MYLK2: variants seen among roughly 807,000 people sequenced by gnomAD.
MYLK2 encodes the protein myosin light chain kinase 2.
In MYLK2, 27 loss-of-function variants were observed where a neutral mutation model predicts 58.2. The observed-to-expected ratio is 0.46, with a 90% confidence interval of 0.34 to 0.64. MYLK2 has a LOEUF of 0.64. Among genes scored for constraint, MYLK2 ranks in the 30% least tolerant of loss-of-function variants. The pLI is 0.01. For missense variants in MYLK2, 676 were observed against 764.3 expected (o/e 0.88, Z 1.36); for synonymous variants, 310 against 296.7 (o/e 1.04, Z -0.46).
At chr20:31,824,605 C>G (rs1202846521) in intron 6 of MYLK2, 2 of 970,962 alleles carry the variant, frequency 2.1e-6, no homozygotes, top group Non-Finnish European at 2.4e-6. Flanking sequence ...GATATTCATG[C>G]CCTCTGGTTC....
chr20:31,823,714 T>C (rs1182856442), intron 5 of MYLK2, 132 bp downstream of exon 5: 2 of 960,892 alleles, frequency 2.1e-6, no homozygotes, highest in African/African-American at 1.6e-5. Flanking sequence ...TGTTCACCTC[T>C]GTGTGGGACA....
chr20:31,821,768 G>A, intron 4 of MYLK2, 31 bp downstream of exon 4: 1 of 1,552,956 alleles, frequency 6.4e-7, no homozygotes. Flanking sequence ...GGCTGGGGCT[G>A]CCCTGGGGCC....
At position 31,820,143 on chromosome 20, in the gene MYLK2, C is replaced by T. The variant is rs1353758643; in HGVS notation, c.70C>T (p.Pro24Ser). The change falls in exon 3 of 13, where the codon CCC (proline) becomes TCC (serine). Residue 24 changes from proline (P) to serine (S), a missense_variant. Pro to Ser is a moderately conservative substitution (Grantham distance 74). Coordinates refer to ENST00000375985, the MANE Select transcript of MYLK2 (RefSeq NM_033118.4). ...NPSTDKAPKG[P>S]TGERPLAAGK... Reference sequence around the variant, plus strand: ...CTCTGCAGACAAGGCACCTAAAGGTCCCACAGGTGAAAGACCCCTGGCTGC... The same window carrying T: ...CTCTGCAGACAAGGCACCTAAAGGTTCCACAGGTGAAAGACCCCTGGCTGC... 1 of 1,613,880 alleles carries T rather than the reference C, an allele frequency of 6.2e-7. No individual in the cohort carries two copies. The highest frequency in any genetic ancestry group is 1.3e-5 in the African/African-American group (1 of 75,048).
At position 31,820,323 on chromosome 20, in the gene MYLK2, G is replaced by C; in HGVS notation, c.250G>C (p.Gly84Arg). 3 of 1,613,030 alleles carry C rather than the reference G, an allele frequency of 1.9e-6. No individual in the cohort carries two copies. Among genetic ancestry groups the C allele is most frequent in the Non-Finnish European group, 2.5e-6 (3 of 1,179,858 alleles). Residue 84 changes from glycine (G) to arginine (R), a missense_variant, in exon 3 of 13, where the codon GGG becomes CGG. Gly to Arg is a moderately radical substitution (Grantham distance 125, BLOSUM62 -2). Coordinates refer to ENST00000375985, the MANE Select transcript of MYLK2 (RefSeq NM_033118.4). ...QGPKGEGDRG[G>R]GPAEGSAGPP... Reference sequence around the variant, plus strand: ...CCCCAAAGGAGAGGGTGACAGGGGCGGGGGGCCCGCGGAGGGCAGTGCTGG... The same window carrying C: ...CCCCAAAGGAGAGGGTGACAGGGGCCGGGGGCCCGCGGAGGGCAGTGCTGG...
Position 31,831,027 on chromosome 20 carries a change from A to G in MYLK2, c.1310A>G (p.Glu437Gly). ...CTCACCCCCAGGTATAACCCCAACG[A>G]GAAGCTGAAGGTGAACTTTGGGACC... Reference protein sequence around the residue: ...FGLARRYNPNEKLKVNFGTPE... With the variant: ...FGLARRYNPNGKLKVNFGTPE... The change falls in exon 10 of 13, where the codon GAG becomes GGG. Residue 437 changes from glutamate to glycine, a missense_variant. By Grantham distance (98) the Glu-to-Gly change is moderately conservative. Around this residue, in one of 2 missense-constraint regions of MYLK2, gnomAD observed 370 missense variants for 467.8 expected, o/e 0.79. Transcript: ENST00000375985. 1 of 1,614,156 alleles carries G rather than the reference A, an allele frequency of 6.2e-7. No homozygotes were observed. The highest frequency in any genetic ancestry group is 1.1e-5 in the South Asian group (1 of 91,084).
rs571143295 is a variant in MYLK2, at chr20:31,822,715, G to A, written c.773-762G>A. On this transcript the variant is annotated intron_variant, in intron 4 of 12. Transcript: ENST00000375985. ...GCCAGCCTGCCTGGTGAGCGGCACC[G>A]TGCCACCCAGACAGGGTGGGAGGAC... 3.3e-5 allele frequency among the ~76,000 whole-genome samples: 5 copies of A among 152,146 alleles called. No homozygotes were observed. In the East Asian group the frequency reaches 7.7e-4, roughly 24 times the overall value.
chr20:31,828,445 T>C (rs984434689), intron 8 of MYLK2: 2 of 985,284 alleles, frequency 2.0e-6, no homozygotes, highest in African/African-American at 3.5e-5. Context: ...CTTTCCTTAA[T>C]TCATTCGATA....
Position 31,834,102 on chromosome 20 carries a change from C to G in MYLK2, c.*305C>G. On this transcript the variant is annotated 3_prime_UTR_variant, in exon 13 of 13. Coordinates refer to ENST00000375985, the MANE Select transcript of MYLK2 (RefSeq NM_033118.4). The stretch of plus-strand genomic sequence containing the variant: ...CCGCTCCCGGTTCCCTCCCCAGCTC[C>G]TCGTCTTTGAACTGCCGCCGCCGTG... 2.2e-6 allele frequency: 1 copy of G among 447,660 alleles called. No homozygotes were observed. Among genetic ancestry groups the G allele is most frequent in the Non-Finnish European group, 4.1e-6 (1 of 241,956 alleles). The allele number at this position is 447,660 out of a possible 1,614,324, so 27.7% of individuals were successfully genotyped here. A position where few individuals can be genotyped will look rare whatever the true frequency, so the allele number is the denominator to read the frequency against.
chr20:31,826,976 G>A (rs368508336), intron 8 of MYLK2, 38 bp downstream of exon 8: 10 of 1,613,388 alleles, frequency 6.2e-6, no homozygotes, highest in Non-Finnish European at 8.5e-6. Context: ...GTCAGGGGCA[G>A]CCTCCGACCC....
In MYLK2 at chr20:31,819,567, C is replaced by T. The variant is rs143463992; in HGVS notation, c.-14C>T. On this transcript the variant is annotated 5_prime_UTR_variant, in exon 2 of 13. The change creates a new upstream start codon in the 5' untranslated region. Transcript: ENST00000375985. ...CTTGAGTTAGACAAGCAGCAGCACA[C>T]GCCTCCCTACCTCATGGCGACAGAA... 8.1e-5 allele frequency: 126 copies of T among 1,551,486 alleles called. 1 individual carries two copies. The highest frequency in any genetic ancestry group is 2.4e-4 in the East Asian group (10 of 40,922).
At position 31,820,339 on chromosome 20, in the gene MYLK2, G is replaced by T; in HGVS notation, c.266G>T (p.Gly89Val). Residue 89 changes from glycine (G) to valine (V), a missense_variant, in exon 3 of 13, where the codon GGC becomes GTC. By Grantham distance (109) the Gly-to-Val change is moderately radical (BLOSUM62 -3). Around this residue, in one of 2 missense-constraint regions of MYLK2, gnomAD observed 306 missense variants for 296.5 expected, o/e 1.03. Coordinates refer to ENST00000375985, the MANE Select transcript of MYLK2 (RefSeq NM_033118.4). ...GACAGGGGCGGGGGGCCCGCGGAGG[G>T]CAGTGCTGGGCCCCCGGCAGCCCTG... ...EGDRGGGPAE[G>V]SAGPPAALPQ... 1 of 1,612,926 alleles carries T rather than the reference G, an allele frequency of 6.2e-7. No homozygotes were observed. Among genetic ancestry groups the T allele is most frequent in the Non-Finnish European group, 8.5e-7 (1 of 1,179,852 alleles).
intron 10 of MYLK2, 71 bp downstream of exon 10, chr20:31,831,212 G>T (rs2062304902): frequency 6.2e-7 from 1 of 1,608,830 alleles, no homozygotes; most frequent in African/African-American, 1.3e-5. Flanking sequence ...GCCAAGATTG[G>T]CCCTAGGGTC....
intron 6 of MYLK2, 89 bp from the exon 7 acceptor site, chr20:31,826,516 A>C: frequency 4.5e-6 from 7 of 1,547,734 alleles, no homozygotes; most frequent in African/African-American, 1.4e-5. Context: ...GGGCAAGGCT[A>C]GCAGGCCTGT....
intron 4 of MYLK2, among the ~76,000 whole-genome samples, 172 bp from the exon 5 acceptor site, chr20:31,823,305 G>A (rs1267789485): frequency 6.6e-6 from 1 of 152,228 alleles, no homozygotes; most frequent in Non-Finnish European, 1.5e-5. Context: ...TGGCAGAACT[G>A]ATATTGGAAA....
At chr20:31,823,788 A>G (rs1310970863) in intron 5 of MYLK2, 9 of 390,618 alleles carry the variant, frequency 2.3e-5, no homozygotes, top group Non-Finnish European at 2.8e-5. Context: ...ACTCAGACGC[A>G]CCGTCAGCCA....
chr20:31,828,130 T>C (rs2062289581), intron 8 of MYLK2: 2 of 957,508 alleles, frequency 2.1e-6, no homozygotes, highest in Admixed American at 1.2e-4. Flanking sequence ...TCAGGTGATC[T>C]GCCTGCCTCA....
In MYLK2 at chr20:31,826,789, G is replaced by A. The variant is rs940139089; in HGVS notation, c.1083-8G>A. 9.3e-6 allele frequency: 15 copies of A among 1,614,154 alleles called. No homozygotes were observed. The highest frequency in any genetic ancestry group is 1.3e-5 in the Non-Finnish European group (15 of 1,180,014). On this transcript the variant is annotated splice_region_variant and splice_polypyrimidine_tract_variant and intron_variant, in intron 7 of 12. Coordinates refer to ENST00000375985, the MANE Select transcript of MYLK2 (RefSeq NM_033118.4). ...CGGAGCAAGCCGTGGAGGGGTCTGT[G>A]CACACAGCATCGAGGGCGGAGAGCT...
At position 31,821,597 on chromosome 20, in the gene MYLK2, C is replaced by A. The variant is rs764248903; in HGVS notation, c.632C>A (p.Thr211Asn). 1.2e-6 allele frequency: 2 copies of A among 1,614,118 alleles called. No individual in the cohort carries two copies. The highest frequency in any genetic ancestry group is 1.3e-5 in the African/African-American group (1 of 75,062). Reference sequence around the variant, plus strand: ...AGCCAGAAGGAAGTGGGAGAGAAAACCCCAGGCCAGGCTGGCCAGGCTAAG... The same window carrying A: ...AGCCAGAAGGAAGTGGGAGAGAAAAACCCAGGCCAGGCTGGCCAGGCTAAG... ...AESQKEVGEKTPGQAGQAKMQ... is the reference protein window; with the variant it reads ...AESQKEVGEKNPGQAGQAKMQ... The change falls in exon 4 of 13, where the codon ACC becomes AAC. Residue 211 changes from threonine to asparagine, a missense_variant. Physicochemically the swap from Thr to Asn is moderately conservative, Grantham distance 65. Transcript: ENST00000375985.
In MYLK2 at chr20:31,820,286, T is replaced by C; in HGVS notation, c.213T>C (p.Thr71=). Residue 71 remains threonine (T), a synonymous_variant, in exon 3 of 13, where the codon ACT becomes ACC. Transcript: ENST00000375985. ...KGDGTLAQPS[T]SSQGPKGEGD... Reference sequence around the variant, plus strand: ...ATGGTACCCTGGCCCAACCCTCAACTAGCAGCCAAGGCCCCAAAGGAGAGG... The same window carrying C: ...ATGGTACCCTGGCCCAACCCTCAACCAGCAGCCAAGGCCCCAAAGGAGAGG... 1 of 1,613,658 alleles carries C rather than the reference T, an allele frequency of 6.2e-7. No individual in the cohort carries two copies. The highest frequency in any genetic ancestry group is 8.5e-7 in the Non-Finnish European group (1 of 1,179,962).
Sources: gnomAD v4.1 joint callset for allele counts (sites outside exome capture counted in the v4.1 genomes callset) on GRCh38, gnomAD v4.1.1 for gene constraint, gnomAD v4.1.1 regional missense constraint, MANE v1.5 for transcripts, NCBI Gene and HGNC (gene_info 2026-07-23, HGNC 2026-07-21) for gene names.